The following CNTNAP2 variants were observed in gnomAD, a reference collection of about 807,000 sequenced individuals.
The protein encoded by CNTNAP2 is contactin associated protein 2, also known as contactin-associated protein-like 2.
Under a neutral mutation model 155.2 loss-of-function variants are expected in CNTNAP2, and 98 were observed. The observed-to-expected ratio is 0.63, with a 90% CI of 0.54 to 0.75. The LOEUF is 0.75. Ranked by LOEUF, CNTNAP2 falls within the 30% of genes least tolerant of loss-of-function variation. The pLI is 0.00. For missense variants in CNTNAP2, 1,727 were observed against 1,688.1 expected (o/e 1.02, Z -0.40); for synonymous variants, 651 against 631.2 (o/e 1.03, Z -0.47).
intron 11 of CNTNAP2, among the ~76,000 whole-genome samples, chr7:147,520,191 C>CAGCCAAT (rs928569851): frequency 3.7e-4 from 56 of 152,264 alleles, no homozygotes; most frequent in African/African-American, 1.2e-3. Flanking sequence ...GAATACTTGG[C>CAGCCAAT]AGCCAATATT....
intron 15 of CNTNAP2, among the ~76,000 whole-genome samples, chr7:148,002,680 G>A (rs954449852): frequency 6.6e-6 from 1 of 152,036 alleles, no homozygotes; most frequent in Non-Finnish European, 1.5e-5. Context: ...TTTTAGGTTA[G>A]GATCTTTAAA....
At chr7:146,765,723 TA>T (rs1383100755) in intron 1 of CNTNAP2, among the ~76,000 whole-genome samples, 2 of 152,190 alleles carry the variant, frequency 1.3e-5, no homozygotes, top group Non-Finnish European at 2.9e-5. Flanking sequence ...GACAGTGTGA[TA>T]GAATAGTAAG....
chr7:148,380,634 C>CT (rs59371773), intron 21 of CNTNAP2, among the ~76,000 whole-genome samples: 106,555 of 149,330 alleles, frequency 0.71, 38,831 homozygotes, highest in Admixed American at 0.8. Context: ...TATTTGACTT[C>CT]TTTTTTTTTT....
intron 3 of CNTNAP2, among the ~76,000 whole-genome samples, chr7:146,928,990 G>A (rs915143910): frequency 6.6e-6 from 1 of 152,228 alleles, no homozygotes; most frequent in Non-Finnish European, 1.5e-5. Context: ...GCCTCTGTAG[G>A]CTCCACCTCT....
intron 1 of CNTNAP2, among the ~76,000 whole-genome samples, chr7:146,180,085 G>A (rs1019153912): frequency 6.6e-6 from 1 of 151,994 alleles, no homozygotes; most frequent in Non-Finnish European, 1.5e-5. Context: ...TGGATGTCTT[G>A]GTACAAAGAA....
chr7:146,580,824 G>A (rs929816921), intron 1 of CNTNAP2, among the ~76,000 whole-genome samples: 7 of 152,058 alleles, frequency 4.6e-5, no homozygotes, highest in African/African-American at 1.7e-4. Context: ...CATTACCTAG[G>A]TCAGTCTGTG....
intron 21 of CNTNAP2, among the ~76,000 whole-genome samples, chr7:148,304,302 A>G (rs996611897): frequency 3.9e-5 from 6 of 152,170 alleles, no homozygotes; most frequent in African/African-American, 1.4e-4. Context: ...GCCTCTGATA[A>G]TACATATTAA....
Position 146,380,420 on chromosome 7 carries a change from G to A in CNTNAP2, c.97+263447G>A, listed in dbSNP as rs114007369. 6.0e-3 allele frequency among the ~76,000 whole-genome samples: 917 copies of A among 152,204 alleles called. 6 individuals carry two copies. Among genetic ancestry groups the A allele is most frequent in the African/African-American group, 0.02 (816 of 41,550 alleles). On this transcript the variant is annotated intron_variant, in intron 1 of 23. Coordinates refer to ENST00000361727, the MANE Select transcript of CNTNAP2 (RefSeq NM_014141.6). ...TAGAAGTGATTTTTTTTCTCTAAAA[G>A]TAACTGATGTCGTCTTTTTAGAAAA...
chr7:146,154,636 C>G (rs1255323749), intron 1 of CNTNAP2, among the ~76,000 whole-genome samples: 1 of 152,176 alleles, frequency 6.6e-6, no homozygotes, highest in East Asian at 1.9e-4. Context: ...TCTCACAAAG[C>G]ATTTACAGCA....
chr7:147,067,506 T>G (rs977569800), intron 4 of CNTNAP2, among the ~76,000 whole-genome samples: 6 of 152,108 alleles, frequency 3.9e-5, no homozygotes, highest in Non-Finnish European at 7.3e-5. Context: ...GAATGGTATT[T>G]TTTCATAATT....
chr7:148,388,880 C>T (rs4726967), intron 22 of CNTNAP2, among the ~76,000 whole-genome samples: 24,824 of 152,124 alleles, frequency 0.16, 2,275 homozygotes, highest in South Asian at 0.3. Flanking sequence ...GCCATCTGAT[C>T]GTTCCTCTGG....
intron 3 of CNTNAP2, among the ~76,000 whole-genome samples, chr7:146,998,341 A>G (rs1231315690): frequency 6.6e-6 from 1 of 151,872 alleles, no homozygotes; most frequent in Non-Finnish European, 1.5e-5. Context: ...GAATTTTCCA[A>G]CGTTCCCCCT....
At chr7:146,565,101 G>A (rs1343867610) in intron 1 of CNTNAP2, among the ~76,000 whole-genome samples, 1 of 151,594 alleles carries the variant, frequency 6.6e-6, no homozygotes, top group Non-Finnish European at 1.5e-5. Context: ...TTTCTGCTTT[G>A]TTAAATACTA....
chr7:146,618,481 G>A (rs1302243488), intron 1 of CNTNAP2, among the ~76,000 whole-genome samples: 2 of 152,104 alleles, frequency 1.3e-5, no homozygotes, highest in East Asian at 1.9e-4. Flanking sequence ...ATGTCTAAGA[G>A]AGGAATATTG....
chr7:148,242,370 G>C (rs1358406781), intron 20 of CNTNAP2, among the ~76,000 whole-genome samples: 1 of 152,212 alleles, frequency 6.6e-6, no homozygotes, highest in Non-Finnish European at 1.5e-5. Context: ...CTTCCACTCA[G>C]GCAGGGAGAA....
At chr7:146,462,819 G>A (rs1796657776) in intron 1 of CNTNAP2, among the ~76,000 whole-genome samples, 1 of 152,154 alleles carries the variant, frequency 6.6e-6, no homozygotes, top group South Asian at 2.1e-4. Context: ...TCACATGATT[G>A]ATCCCTTGCA....
chr7:147,412,582 C>T (rs1268905807), intron 10 of CNTNAP2, among the ~76,000 whole-genome samples: 1 of 152,192 alleles, frequency 6.6e-6, no homozygotes, highest in Non-Finnish European at 1.5e-5. Flanking sequence ...CACTGTGTCT[C>T]TGTGCCTAAC....
intron 15 of CNTNAP2, among the ~76,000 whole-genome samples, chr7:148,010,203 G>GT (rs1314705854): frequency 6.6e-6 from 1 of 151,486 alleles, no homozygotes. Flanking sequence ...TCAAATATGA[G>GT]TTATCTGTAT....
chr7:146,248,311 G>A (rs1288309835), intron 1 of CNTNAP2, among the ~76,000 whole-genome samples: 2 of 152,038 alleles, frequency 1.3e-5, no homozygotes, highest in Non-Finnish European at 2.9e-5. Context: ...AGAAGACACG[G>A]AGAGAAGGGG....
Sources: allele counts gnomAD v4.1 joint callset (sites outside exome capture counted in the v4.1 genomes callset), GRCh38; gene constraint gnomAD v4.1.1; transcripts MANE v1.5; gene names NCBI Gene and HGNC (gene_info 2026-07-23, HGNC 2026-07-21).